DGKI: variants seen among roughly 807,000 people sequenced by gnomAD.
DGKI encodes the protein diacylglycerol kinase iota, also known as DAG kinase iota.
In DGKI, 55 loss-of-function variants were observed where a neutral mutation model predicts 147.5. The ratio of observed to expected loss-of-function variants is 0.37; its 90% CI spans 0.30 to 0.47. The LOEUF (loss-of-function observed/expected upper bound fraction) is 0.47, where lower values mean the gene tolerates loss of function less well. Ranked by LOEUF, DGKI falls within the 20% of genes least tolerant of loss-of-function variation. DGKI has a pLI of 1.00. For synonymous variants in DGKI, 469 were observed against 477.1 expected (o/e 0.98, Z 0.22); for missense variants, 1,007 against 1,323.8 (o/e 0.76, Z 3.71).
chr7:137,585,367 T>C lies in DGKI; in HGVS notation c.1426-21A>G, dbSNP rs765676748. ...TAGCCCTGAGGAATCAGAGAACATA[T>C]CCATTGCTGTCCAGAGTGGAGAACA... On this transcript the variant is annotated intron_variant, in intron 13 of 32. Coordinates refer to ENST00000614521, the MANE Select transcript of DGKI (RefSeq NM_001321708.2). The C allele has an allele frequency of 3.1e-6, 5 of 1,612,070 alleles. No homozygotes were observed. In the South Asian group the frequency reaches 4.4e-5, roughly 14 times the overall value.
chr7:137,508,876 A>G (rs1435124460), intron 21 of DGKI, among the ~76,000 whole-genome samples: 3 of 152,140 alleles, frequency 2.0e-5, no homozygotes, highest in Non-Finnish European at 4.4e-5. Context: ...TTTGCTATGG[A>G]CAGATACTTT....
At chr7:137,679,370 G>A (rs1420748764) in intron 2 of DGKI, among the ~76,000 whole-genome samples, 1 of 150,588 alleles carries the variant, frequency 6.6e-6, no homozygotes, top group African/African-American at 2.4e-5. Flanking sequence ...CCAGAAATGT[G>A]TAGTGCGGTA....
chr7:137,568,781 T>A (rs1325192248), intron 19 of DGKI, among the ~76,000 whole-genome samples: 1 of 152,152 alleles, frequency 6.6e-6, no homozygotes, highest in Non-Finnish European at 1.5e-5. Flanking sequence ...GTGCACTATT[T>A]GTGAAAGAGC....
chr7:137,768,229 T>C (rs1479074827), intron 1 of DGKI, among the ~76,000 whole-genome samples: 1 of 152,094 alleles, frequency 6.6e-6, no homozygotes, highest in African/African-American at 2.4e-5. Flanking sequence ...TGCACCAACC[T>C]AACAGATAAT....
At position 137,472,368 on chromosome 7, in the gene DGKI, AAT is replaced by A. The variant is rs1563040348; in HGVS notation, c.2374-2751_2374-2750del. Among the ~76,000 whole-genome samples, 25 of 19,076 alleles carry A rather than the reference AAT, an allele frequency of 1.3e-3. 2 individuals are homozygous for A. Among genetic ancestry groups the A allele is most frequent in the African/African-American group, 4.9e-3 (22 of 4,480 alleles). The allele number at this position is 19,076 out of a possible 152,430, so 12.5% of individuals were successfully genotyped here. A position where few individuals can be genotyped will look rare whatever the true frequency, so the allele number is the denominator to read the frequency against. ...AATTATTATATGTATATATACATAT[AAT>A]TATTATATGTATATATACATATTAT... On this transcript the variant is annotated intron_variant, in intron 23 of 32. Transcript: ENST00000614521.
At chr7:137,424,022 C>T (rs1289731354) in intron 28 of DGKI, among the ~76,000 whole-genome samples, 1 of 152,172 alleles carries the variant, frequency 6.6e-6, no homozygotes, top group Non-Finnish European at 1.5e-5. Flanking sequence ...CCTAGACCCA[C>T]CCCTACTGGG....
At chr7:137,394,370 C>A (rs1811472603) in intron 32 of DGKI, among the ~76,000 whole-genome samples, 1 of 152,130 alleles carries the variant, frequency 6.6e-6, no homozygotes, top group South Asian at 2.1e-4. Context: ...CTTCTTTGTC[C>A]AATGTGGCCC....
At chr7:137,542,377 G>A (rs567050789) in intron 20 of DGKI, among the ~76,000 whole-genome samples, 9 of 152,282 alleles carry the variant, frequency 5.9e-5, no homozygotes, top group South Asian at 4.2e-4. Context: ...ATCCTTCAAT[G>A]GGGGAGTGGG....
At chr7:137,675,666 C>T (rs908778963) in intron 3 of DGKI, among the ~76,000 whole-genome samples, 3 of 135,822 alleles carry the variant, frequency 2.2e-5, no homozygotes, top group African/African-American at 9.0e-5. Context: ...GCCTGGGCAG[C>T]CGAGCAAGAC....
intron 20 of DGKI, among the ~76,000 whole-genome samples, chr7:137,542,262 T>C (rs1462057803): frequency 1.3e-5 from 2 of 152,200 alleles, no homozygotes; most frequent in Admixed American, 1.3e-4. Context: ...ATCCCATTCC[T>C]ACATGTTTAA....
chr7:137,416,055 C>T (rs979160836), intron 28 of DGKI, among the ~76,000 whole-genome samples: 17 of 151,832 alleles, frequency 1.1e-4, no homozygotes, highest in African/African-American at 4.1e-4. Flanking sequence ...TGTATTGAAA[C>T]ATTTCTCAGA....
intron 1 of DGKI, among the ~76,000 whole-genome samples, chr7:137,740,263 CTCTG>C (rs888737005): frequency 2.0e-5 from 3 of 152,176 alleles, no homozygotes; most frequent in Non-Finnish European, 4.4e-5. Flanking sequence ...GACCAGCTTC[CTCTG>C]TCTGTCAATT....
chr7:137,600,931 T>A (rs940034505), intron 10 of DGKI, among the ~76,000 whole-genome samples: 3 of 152,142 alleles, frequency 2.0e-5, no homozygotes, highest in African/African-American at 7.2e-5. Flanking sequence ...ACAGCAGACA[T>A]AAGGTCACTT....
intron 12 of DGKI, among the ~76,000 whole-genome samples, chr7:137,592,383 G>A (rs1386752720): frequency 2.0e-5 from 3 of 152,178 alleles, no homozygotes; most frequent in Admixed American, 2.0e-4. Context: ...GGAAAAGCAG[G>A]GCTGACAGAT....
At chr7:137,814,342 C>G (rs1376764983) in intron 1 of DGKI, among the ~76,000 whole-genome samples, 1 of 152,172 alleles carries the variant, frequency 6.6e-6, no homozygotes, top group African/African-American at 2.4e-5. Flanking sequence ...CCATCATCAA[C>G]TCCTCTTCTC....
At chr7:137,579,330 T>G (rs1193496496) in intron 15 of DGKI, among the ~76,000 whole-genome samples, 1 of 151,760 alleles carries the variant, frequency 6.6e-6, no homozygotes, top group Non-Finnish European at 1.5e-5. Context: ...CTTGCCACAA[T>G]TAAAAATCTG....
chr7:137,629,914 A>G (rs1394906368), intron 6 of DGKI, among the ~76,000 whole-genome samples: 2 of 152,178 alleles, frequency 1.3e-5, no homozygotes. Flanking sequence ...AGACTTTGCA[A>G]AACTAGGGTT....
At chr7:137,547,133 C>A (rs1817892301) in intron 20 of DGKI, among the ~76,000 whole-genome samples, 1 of 152,198 alleles carries the variant, frequency 6.6e-6, no homozygotes, top group Non-Finnish European at 1.5e-5. Flanking sequence ...CATAATCCAG[C>A]ATATTGGCTA....
intron 17 of DGKI, among the ~76,000 whole-genome samples, chr7:137,575,170 C>G (rs1043862767): frequency 6.6e-6 from 1 of 152,182 alleles, no homozygotes; most frequent in African/African-American, 2.4e-5. Context: ...AGTCATATAC[C>G]TAGCAAAGGT....
Sources: allele counts gnomAD v4.1 joint callset (sites outside exome capture counted in the v4.1 genomes callset), GRCh38; gene constraint gnomAD v4.1.1; transcripts MANE v1.5; gene names NCBI Gene and HGNC (gene_info 2026-07-23, HGNC 2026-07-21).